Variants in TANC2 observed in about 807,000 individuals in gnomAD.
TANC2 encodes protein TANC2.
In TANC2, 26 loss-of-function variants were observed where a neutral mutation model predicts 210.5. The ratio of observed to expected loss-of-function variants is 0.12; its 90% CI spans 0.09 to 0.17. The LOEUF (loss-of-function observed/expected upper bound fraction) is 0.17, where lower values mean the gene tolerates loss of function less well. Ranked by LOEUF, TANC2 falls within the 10% of genes least tolerant of loss-of-function variation. The pLI is 1.00. For missense variants in TANC2, 2,129 were observed against 2,608.9 expected (o/e 0.82, Z 4.01); for synonymous variants, 931 against 967.1 (o/e 0.96, Z 0.69).
intron 4 of TANC2, among the ~76,000 whole-genome samples, chr17:63,132,832 T>C (rs1294043368): frequency 2.6e-5 from 4 of 152,226 alleles, no homozygotes; most frequent in Non-Finnish European, 5.9e-5. Flanking sequence ...CTACTGGCCT[T>C]CACACTTAAT....
chr17:63,420,192 A>G lies in TANC2; in HGVS notation c.4462A>G (p.Ile1488Val), dbSNP rs1282648406. The stretch of plus-strand genomic sequence containing the variant: ...AGAACCTGAGCCACAGCATGAAGAC[A>G]TATACTCTGTACAGGATATATTCGA... Residue 1488 changes from isoleucine to valine, a missense_variant, in exon 28 of 28, where the codon ATA becomes GTA. By Grantham distance (29) the Ile-to-Val change is conservative. This residue lies in a region of TANC2 where 584 missense variants were observed against 627.3 expected (regional missense o/e 0.93). Coordinates refer to ENST00000689528, the Ensembl canonical transcript of TANC2. The surrounding 1 kb of genome is among the most constrained non-coding windows in gnomAD (Gnocchi z 4.2). 5.6e-6 allele frequency: 9 copies of G among 1,595,398 alleles called. No individual in the cohort carries two copies. The highest frequency in any genetic ancestry group is 5.4e-5 in the African/African-American group (4 of 74,522).
At chr17:63,415,816 A>T in intron 26 of TANC2, 142 bp downstream of exon 26, 1 of 954,630 alleles carries the variant, frequency 1.0e-6, no homozygotes, top group South Asian at 1.8e-5. Context: ...TGACATTTGC[A>T]ATTTGAAAGA....
intron 11 of TANC2, chr17:63,334,242 C>G (rs1433291855): frequency 6.6e-6 from 1 of 152,000 alleles, no homozygotes; most frequent in Admixed American, 6.6e-5. Context: ...GTAGATGATC[C>G]CAGAGGCAGG....
At chr17:63,172,194 T>C (rs1254818522) in intron 5 of TANC2, among the ~76,000 whole-genome samples, 5 of 136,766 alleles carry the variant, frequency 3.7e-5, no homozygotes, top group Non-Finnish European at 6.4e-5. Flanking sequence ...TTTTCTTTTC[T>C]TTTTTTTTTT....
At chr17:63,336,291 C>T (rs750657341) in intron 11 of TANC2, among the ~76,000 whole-genome samples, 21 of 152,276 alleles carry the variant, frequency 1.4e-4, no homozygotes, top group Middle Eastern at 3.4e-3. Flanking sequence ...GATACAAATG[C>T]CAGTCAGTAT....
At chr17:63,022,136 C>G (rs8080019) in intron 2 of TANC2, among the ~76,000 whole-genome samples, 1 of 151,866 alleles carries the variant, frequency 6.6e-6, no homozygotes, top group Non-Finnish European at 1.5e-5. Context: ...GTCAGGAGTT[C>G]AAGATCAGCC....
chr17:63,266,473 TA>T (rs1388197095), intron 8 of TANC2, among the ~76,000 whole-genome samples: 1 of 152,182 alleles, frequency 6.6e-6, no homozygotes, highest in Non-Finnish European at 1.5e-5. Flanking sequence ...GTTGGAGATG[TA>T]AGTTTACTTA....
chr17:63,057,758 T>C (rs902198857), intron 2 of TANC2, among the ~76,000 whole-genome samples: 6 of 152,208 alleles, frequency 3.9e-5, no homozygotes, highest in Admixed American at 3.3e-4. Flanking sequence ...GCAAAGGACA[T>C]AATCTTGTTC....
chr17:62,988,850 C>G (rs2032709642), intron 1 of TANC2, among the ~76,000 whole-genome samples: 1 of 152,030 alleles, frequency 6.6e-6, no homozygotes, highest in Non-Finnish European at 1.5e-5. Context: ...TTCAGCATGC[C>G]CAGGAACTGA....
intron 14 of TANC2, among the ~76,000 whole-genome samples, chr17:63,370,221 C>T (rs916206005): frequency 1.0e-4 from 15 of 150,262 alleles, no homozygotes; most frequent in Admixed American, 7.3e-4. Flanking sequence ...CTCTGTCACC[C>T]AGGCTGGAAT....
At chr17:62,989,890 C>G (rs1455809787) in intron 1 of TANC2, among the ~76,000 whole-genome samples, 1 of 151,046 alleles carries the variant, frequency 6.6e-6, no homozygotes, top group African/African-American at 2.4e-5. Flanking sequence ...TCTGCCTCAG[C>G]CTCCTGAGTA....
intron 11 of TANC2, among the ~76,000 whole-genome samples, chr17:63,325,740 C>T (rs993708969): frequency 2.0e-5 from 3 of 152,162 alleles, no homozygotes; most frequent in Admixed American, 1.3e-4. Context: ...CAGCTGGGTA[C>T]TTATACATGA....
At chr17:63,162,638 A>G (rs2040068337) in intron 5 of TANC2, among the ~76,000 whole-genome samples, 2 of 152,170 alleles carry the variant, frequency 1.3e-5, no homozygotes. Flanking sequence ...TGAACTAACT[A>G]GAAAAAAGGT....
chr17:62,981,071 A>G (rs191295347), intron 1 of TANC2, among the ~76,000 whole-genome samples: 24 of 152,300 alleles, frequency 1.6e-4, no homozygotes, highest in African/African-American at 5.8e-4. Context: ...TTGACTTTCA[A>G]TTCTTGGCTA....
intron 7 of TANC2, among the ~76,000 whole-genome samples, chr17:63,213,979 G>A (rs1463384499): frequency 6.6e-6 from 1 of 152,160 alleles, no homozygotes; most frequent in African/African-American, 2.4e-5. Context: ...AAGCGTGAAG[G>A]AAAGGGGGAG....
intron 14 of TANC2, among the ~76,000 whole-genome samples, chr17:63,358,028 CT>C (rs1274820314): frequency 6.6e-6 from 1 of 152,208 alleles, no homozygotes; most frequent in Non-Finnish European, 1.5e-5. Flanking sequence ...CATTCTTACC[CT>C]TTTTAGTCCA....
intron 1 of TANC2, among the ~76,000 whole-genome samples, chr17:63,000,035 C>T (rs571890127): frequency 1.9e-4 from 29 of 152,174 alleles, no homozygotes; most frequent in Middle Eastern, 3.4e-3. Flanking sequence ...ACACTGAGCA[C>T]GCATGGACAC....
chr17:63,125,737 A>G (rs2038683567), intron 4 of TANC2, among the ~76,000 whole-genome samples: 1 of 152,238 alleles, frequency 6.6e-6, no homozygotes, highest in Admixed American at 6.5e-5. Flanking sequence ...CTTTACCAAA[A>G]AAGTATGATA....
At chr17:63,007,765 A>C (rs1488426950) in intron 1 of TANC2, among the ~76,000 whole-genome samples, 1 of 152,104 alleles carries the variant, frequency 6.6e-6, no homozygotes, top group Non-Finnish European at 1.5e-5. Context: ...ATATATTTTA[A>C]AGAACAGCCT....
Sources: gnomAD v4.1 joint callset for allele counts (sites outside exome capture counted in the v4.1 genomes callset) on GRCh38, gnomAD v4.1.1 for gene constraint, gnomAD v4.1.1 regional missense constraint, Gnocchi (gnomAD v3.1) non-coding constraint, MANE v1.5 for transcripts, NCBI Gene and HGNC (gene_info 2026-07-23, HGNC 2026-07-21) for gene names.